SPATA13: variants seen among roughly 807,000 people sequenced by gnomAD.
The protein encoded by SPATA13 is spermatogenesis-associated protein 13.
In SPATA13, 50 loss-of-function variants were observed where a neutral mutation model predicts 104.0. That is an observed-to-expected ratio of 0.48 (90% CI 0.38 to 0.61). The LOEUF (loss-of-function observed/expected upper bound fraction) is 0.61. Ranked by LOEUF, SPATA13 falls within the 20% of genes least tolerant of loss-of-function variation. SPATA13 has a pLI of 0.00. For missense variants in SPATA13, 1,524 were observed against 1,690.6 expected (o/e 0.90, Z 1.73); for synonymous variants, 606 against 667.5 (o/e 0.91, Z 1.42).
intron 2 of SPATA13, among the ~76,000 whole-genome samples, chr13:24,002,436 G>T (rs557705184): frequency 6.6e-6 from 1 of 152,294 alleles, no homozygotes; most frequent in Non-Finnish European, 1.5e-5. Context: ...TCCATAGAGA[G>T]GGGACAGAGT....
At chr13:24,188,201 C>T (rs983337477) in intron 1 of SPATA13, among the ~76,000 whole-genome samples, 14 of 151,872 alleles carry the variant, frequency 9.2e-5, no homozygotes, top group African/African-American at 3.1e-4. Flanking sequence ...ATTAGCTGGG[C>T]GTGGCAACAT....
chr13:24,035,275 C>T (rs1042995189), intron 3 of SPATA13, among the ~76,000 whole-genome samples: 3 of 144,232 alleles, frequency 2.1e-5, no homozygotes, highest in African/African-American at 3.0e-5. Flanking sequence ...GTGCCTCAGC[C>T]TCCCGAGTAG....
chr13:24,270,674 G>A, intron 4 of SPATA13: 1 of 1,400,862 alleles, frequency 7.1e-7, no homozygotes, highest in East Asian at 2.5e-5. Flanking sequence ...CACGGAGTGT[G>A]GAGCCAGCTG....
chr13:24,269,741 ATT>A (rs71070673), intron 4 of SPATA13, among the ~76,000 whole-genome samples: 5,338 of 75,764 alleles, frequency 0.07, 237 homozygotes, highest in East Asian at 0.21. Flanking sequence ...GCTAATATAA[ATT>A]TTTTTTTTTT....
chr13:24,279,540 G>A (rs61569616), intron 4 of SPATA13, among the ~76,000 whole-genome samples: 6,057 of 152,020 alleles, frequency 0.04, 396 homozygotes, highest in African/African-American at 0.14. Context: ...TTAAGTGGTG[G>A]GAGGGGACCC....
intron 3 of SPATA13, among the ~76,000 whole-genome samples, chr13:24,057,188 G>T (rs1370779015): frequency 6.6e-6 from 1 of 151,348 alleles, no homozygotes; most frequent in Non-Finnish European, 1.5e-5. Flanking sequence ...CCACTAACTC[G>T]CCATTTAACA....
chr13:24,098,925 C>CAAA (rs61641076), intron 3 of SPATA13, among the ~76,000 whole-genome samples: 1 of 79,496 alleles, frequency 1.3e-5, no homozygotes, highest in Non-Finnish European at 2.7e-5. Context: ...GACTCCATCT[C>CAAA]AAAAAAAAAA....
chr13:23,994,415 A>G (rs1416846149), intron 2 of SPATA13, among the ~76,000 whole-genome samples: 1 of 152,206 alleles, frequency 6.6e-6, no homozygotes, highest in Non-Finnish European at 1.5e-5. Flanking sequence ...TGAGGGTGGA[A>G]GCTGGAGGAT....
rs376121849 is a variant in SPATA13 at position 24,277,250 on chromosome 13, C to T, written c.2165-6885C>T. ...ACAAGGTCAGGAGATCGAGACCATC[C>T]TGGCTAACATGGTGAAACCACGTCT... On this transcript the variant is annotated intron_variant, in intron 4 of 12. Transcript: ENST00000382108. 3.3e-5 allele frequency among the ~76,000 whole-genome samples: 5 copies of T among 152,076 alleles called. No homozygotes were observed. In the East Asian group the frequency reaches 5.8e-4, roughly 18 times the overall value.
At chr13:24,295,650 T>C (rs1876720353) in intron 10 of SPATA13, among the ~76,000 whole-genome samples, 1 of 141,796 alleles carries the variant, frequency 7.1e-6, no homozygotes, top group Admixed American at 7.3e-5. Flanking sequence ...ATGCCTGTAA[T>C]AATGGTCCAA....
intron 1 of SPATA13, among the ~76,000 whole-genome samples, chr13:24,181,132 G>A (rs983033027): frequency 2.0e-5 from 3 of 152,158 alleles, no homozygotes; most frequent in Non-Finnish European, 2.9e-5. Context: ...ACTTATGAAT[G>A]GAGTTTCCAG....
intron 3 of SPATA13, among the ~76,000 whole-genome samples, chr13:24,109,032 A>G (rs1880548968): frequency 6.6e-6 from 1 of 152,114 alleles, no homozygotes; most frequent in Admixed American, 6.5e-5. Context: ...TTACATATGT[A>G]TACATGTGCC....
chr13:24,052,367 C>T (rs2137742977), intron 3 of SPATA13, among the ~76,000 whole-genome samples: 1 of 144,382 alleles, frequency 6.9e-6, no homozygotes, highest in Non-Finnish European at 1.5e-5. Flanking sequence ...TAACGAGATC[C>T]CATCGCTACA....
intron 2 of SPATA13, among the ~76,000 whole-genome samples, chr13:23,990,160 GC>G (rs1328526109): frequency 6.6e-6 from 1 of 152,142 alleles, no homozygotes; most frequent in African/African-American, 2.4e-5. Flanking sequence ...CCCAATCCCT[GC>G]TGGATTCCCT....
At chr13:24,102,754 A>G (rs9511053) in intron 3 of SPATA13, among the ~76,000 whole-genome samples, 122,871 of 152,142 alleles carry the variant, frequency 0.81, 52,093 homozygotes, top group Non-Finnish European at 0.94. Flanking sequence ...GATTACAGGC[A>G]TGAGCCACCA....
At chr13:23,995,760 A>G (rs1283933310) in intron 2 of SPATA13, among the ~76,000 whole-genome samples, 1 of 152,234 alleles carries the variant, frequency 6.6e-6, no homozygotes, top group South Asian at 2.1e-4. Context: ...AGAGCAAAAG[A>G]TCTAACTCTT....
chr13:24,062,776 A>G (rs1442295938), intron 3 of SPATA13, among the ~76,000 whole-genome samples: 1 of 151,986 alleles, frequency 6.6e-6, no homozygotes, highest in Non-Finnish European at 1.5e-5. Context: ...TGCATTTGTT[A>G]TCTTCCATCC....
chr13:24,182,921 G>A (rs1868903084), intron 1 of SPATA13, among the ~76,000 whole-genome samples: 4 of 152,136 alleles, frequency 2.6e-5, no homozygotes, highest in Admixed American at 2.6e-4. Context: ...AGCTCACCGA[G>A]GGCTCACAGC....
At position 24,281,243 on chromosome 13, in the gene SPATA13, C is replaced by A. The variant is rs539948661; in HGVS notation, c.2165-2892C>A. ...CTTAGGCCCGGGAATTTACTCCTCC[C>A]CCTCCAACCCCGTCTCTTGGTCTCT... On this transcript the variant is annotated intron_variant, in intron 4 of 12. Coordinates refer to ENST00000382108, the MANE Select transcript of SPATA13 (RefSeq NM_001166271.3). Among the ~76,000 whole-genome samples the A allele has an allele frequency of 4.6e-5, 7 of 152,360 alleles. No individual in the cohort carries two copies. The East Asian group carries it at 1.2e-3, about 25-fold the overall frequency.
Sources: allele counts gnomAD v4.1 joint callset (sites outside exome capture counted in the v4.1 genomes callset), GRCh38; gene constraint gnomAD v4.1.1; transcripts MANE v1.5; gene names NCBI Gene and HGNC (gene_info 2026-07-23, HGNC 2026-07-21).